Variants in MDGA2 observed in about 807,000 individuals in gnomAD.
MDGA2 encodes MAM domain-containing glycosylphosphatidylinositol anchor protein 2.
MDGA2 carries 40 observed loss-of-function variants against 117.8 expected under a neutral mutation model. The observed-to-expected ratio is 0.34, with a 90% CI of 0.26 to 0.44. MDGA2 has a LOEUF of 0.44. Ranked by LOEUF, MDGA2 falls within the 20% of genes least tolerant of loss-of-function variation. The pLI is 1.00. For missense variants in MDGA2, 1,123 were observed against 1,250.6 expected (o/e 0.90, Z 1.54); for synonymous variants, 452 against 439.0 (o/e 1.03, Z -0.37).
chr14:47,120,381 G>A (rs1045927398), intron 5 of MDGA2, among the ~76,000 whole-genome samples: 9 of 152,130 alleles, frequency 5.9e-5, no homozygotes, highest in Admixed American at 2.6e-4. Flanking sequence ...TGGATAGAAT[G>A]TGATTGAAAA....
chr14:47,174,704 A>AG (rs1884353716), intron 3 of MDGA2, among the ~76,000 whole-genome samples: 2 of 152,134 alleles, frequency 1.3e-5, no homozygotes, highest in Non-Finnish European at 2.9e-5. Flanking sequence ...CAGGAAAGAT[A>AG]CAAAATTGAC....
intron 8 of MDGA2, chr14:46,960,657 T>TTA (rs748077484): frequency 3.3e-5 from 5 of 151,868 alleles, no homozygotes; most frequent in East Asian, 1.9e-4. Context: ...CATTTTTATG[T>TTA]TATATATATA....
chr14:47,294,892 G>A (rs1889010748), intron 2 of MDGA2, among the ~76,000 whole-genome samples: 1 of 152,114 alleles, frequency 6.6e-6, no homozygotes, highest in African/African-American at 2.4e-5. Flanking sequence ...GATTAACAAG[G>A]ACAAAAGCAT....
chr14:47,022,301 A>G (rs1050906056), intron 8 of MDGA2, among the ~76,000 whole-genome samples: 9 of 152,048 alleles, frequency 5.9e-5, no homozygotes, highest in African/African-American at 2.4e-5. Flanking sequence ...CTTGTCTCGA[A>G]CTTCTGGACT....
chr14:47,492,520 T>C (rs1349121714), intron 1 of MDGA2, among the ~76,000 whole-genome samples: 1 of 152,232 alleles, frequency 6.6e-6, no homozygotes, highest in South Asian at 2.1e-4. Flanking sequence ...AAAATTATGA[T>C]TCAGGACAGA....
chr14:47,268,758 C>G (rs1229978025), intron 2 of MDGA2, among the ~76,000 whole-genome samples: 2 of 152,152 alleles, frequency 1.3e-5, no homozygotes, highest in African/African-American at 4.8e-5. Context: ...TACTATGAAA[C>G]TCTACTGCAA....
At chr14:47,619,781 G>C (rs1422563401) in intron 1 of MDGA2, among the ~76,000 whole-genome samples, 1 of 152,202 alleles carries the variant, frequency 6.6e-6, no homozygotes, top group Non-Finnish European at 1.5e-5. Flanking sequence ...CATCCAGTTG[G>C]ACACTTTTCA....
chr14:47,466,650 T>C (rs963956250), intron 1 of MDGA2, among the ~76,000 whole-genome samples: 3 of 152,150 alleles, frequency 2.0e-5, no homozygotes, highest in Non-Finnish European at 2.9e-5. Flanking sequence ...TTCTCATTCT[T>C]TGAATTACAG....
chr14:47,298,683 C>CTTTTTT (rs66784813), intron 2 of MDGA2, among the ~76,000 whole-genome samples: 3 of 126,128 alleles, frequency 2.4e-5, no homozygotes, highest in South Asian at 2.7e-4. Flanking sequence ...CTTAATTTTT[C>CTTTTTT]TTTTTTTTTT....
intron 3 of MDGA2, among the ~76,000 whole-genome samples, chr14:47,183,502 T>C (rs1261353747): frequency 1.3e-5 from 2 of 152,226 alleles, no homozygotes; most frequent in East Asian, 3.9e-4. Context: ...CTGCCATAGT[T>C]TACCTTTTCC....
At chr14:47,537,356 A>AATGACGAGTTAACGGGTGC (rs903586565) in intron 1 of MDGA2, among the ~76,000 whole-genome samples, 3 of 150,370 alleles carry the variant, frequency 2.0e-5, no homozygotes, top group African/African-American at 7.3e-5. Context: ...ACCTAATGTA[A>AATGACGAGTTAACGGGTGC]ATGACGAGTT....
At chr14:47,512,862 C>G (rs2138697067) in intron 1 of MDGA2, among the ~76,000 whole-genome samples, 1 of 152,098 alleles carries the variant, frequency 6.6e-6, no homozygotes, top group African/African-American at 2.4e-5. Context: ...TAGCTCTCAA[C>G]CAGCATTCAG....
At chr14:47,359,787 T>G (rs181663000) in intron 1 of MDGA2, among the ~76,000 whole-genome samples, 37 of 141,756 alleles carry the variant, frequency 2.6e-4, no homozygotes, top group Admixed American at 6.3e-4. Flanking sequence ...AAAAACATGA[T>G]GAAAGAAAAG....
intron 2 of MDGA2, among the ~76,000 whole-genome samples, chr14:47,297,242 G>A (rs1594780105): frequency 6.6e-6 from 1 of 152,034 alleles, no homozygotes; most frequent in African/African-American, 2.4e-5. Context: ...AAGGTGATAT[G>A]CCAAACTATT....
intron 1 of MDGA2, among the ~76,000 whole-genome samples, chr14:47,626,912 G>A (rs935233776): frequency 6.6e-6 from 1 of 152,272 alleles, no homozygotes; most frequent in African/African-American, 2.4e-5. Context: ...TGGACTGGCA[G>A]GCAGCTCCAC....
intron 1 of MDGA2, among the ~76,000 whole-genome samples, chr14:47,583,981 T>C (rs967148112): frequency 6.6e-6 from 1 of 151,842 alleles, no homozygotes; most frequent in African/African-American, 2.4e-5. Context: ...CTTATTCTGA[T>C]TACTCTATCT....
At chr14:47,336,629 T>C (rs781445472) in intron 1 of MDGA2, among the ~76,000 whole-genome samples, 18 of 151,896 alleles carry the variant, frequency 1.2e-4, no homozygotes, top group African/African-American at 1.9e-4. Flanking sequence ...TTTAGAGTCT[T>C]AGCATCTTAG....
chr14:46,883,833 A>AT (rs1320051317), intron 10 of MDGA2, among the ~76,000 whole-genome samples: 2 of 151,986 alleles, frequency 1.3e-5, no homozygotes, highest in Admixed American at 6.6e-5. Flanking sequence ...ATTGTGACAG[A>AT]TTTTTTTATT....
intron 1 of MDGA2, among the ~76,000 whole-genome samples, chr14:47,648,233 A>G (rs2138263011): frequency 6.6e-6 from 1 of 152,284 alleles, no homozygotes; most frequent in South Asian, 2.1e-4. Flanking sequence ...TATTAGTTAC[A>G]TAACCTTTCA....
Sources: gnomAD v4.1 joint callset for allele counts (sites outside exome capture counted in the v4.1 genomes callset) on GRCh38, gnomAD v4.1.1 for gene constraint, MANE v1.5 for transcripts, NCBI Gene and HGNC (gene_info 2026-07-23, HGNC 2026-07-21) for gene names.